Variants in KLRF1 observed in about 807,000 individuals in gnomAD.
The protein encoded by KLRF1 is killer cell lectin like receptor F1.
KLRF1 carries 27 observed loss-of-function variants against 30.7 expected under a neutral mutation model. The observed-to-expected ratio is 0.88, with a 90% confidence interval of 0.65 to 1.21. KLRF1 has a LOEUF of 1.21. KLRF1 is among the 50% of genes most tolerant of loss of function. KLRF1 has a pLI of 0.00. For missense variants in KLRF1, 246 were observed against 259.3 expected (o/e 0.95, Z 0.35); for synonymous variants, 92 against 89.3 (o/e 1.03, Z -0.17).
rs768839517 is a variant in KLRF1 at position 9,827,646 on chromosome 12, C to T, written c.85+17C>T. The T allele has an allele frequency of 1.0e-5, 15 of 1,449,456 alleles. No individual in the cohort carries two copies. In the African/African-American group the frequency reaches 1.1e-4, roughly 11 times the overall value. The allele number at this position is 1,449,456 out of a possible 1,614,324, so 89.8% of individuals were successfully genotyped here. ...CATTTAAAGGTATGGAATTTAATTT[C>T]ATTTTTTCAATTGGTGTGAATTAAC... is the stretch of plus-strand genomic sequence containing the variant. On this transcript the variant is annotated intron_variant, in intron 1 of 5. Transcript: ENST00000617889.
chr12:9,835,826 G>A (rs1352306898), intron 3 of KLRF1, among the ~76,000 whole-genome samples: 1 of 152,050 alleles, frequency 6.6e-6, no homozygotes, highest in Non-Finnish European at 1.5e-5. Flanking sequence ...CAAATATGGG[G>A]GGAGTAGAGT....
At chr12:9,825,817 C>T (rs73240933), upstream of KLRF1, among the ~76,000 whole-genome samples, 3,844 of 152,060 alleles carry the variant, frequency 0.025, 148 homozygotes, top group African/African-American at 0.087. Flanking sequence ...TTAAACCAAT[C>T]AACAAGCAAA....
At chr12:9,842,531 ACAGAATTC>A in intron 5 of KLRF1, 98 bp downstream of exon 5, 1 of 999,696 alleles carries the variant, frequency 1.0e-6, no homozygotes, top group Non-Finnish European at 1.4e-6. Context: ...TACTGGTACT[ACAGAATTC>A]AAAAGAATGA....
At chr12:9,812,900 T>G in the KLRF1 span, among the ~76,000 whole-genome samples, 2 of 152,218 alleles carry the variant, frequency 1.3e-5, no homozygotes, top group African/African-American at 4.8e-5. Context: ...ATCAGTTACT[T>G]ATTCATTTAA....
rs199764125 is a variant in KLRF1 at position 9,829,399 on chromosome 12, TC to T, written c.85+1771del. 4.9e-3 allele frequency among the ~76,000 whole-genome samples: 742 copies of T among 152,340 alleles called. 10 individuals are homozygous for T. Among genetic ancestry groups the T allele is most frequent in the Admixed American group, 0.032 (493 of 15,298 alleles). ...TTCTTCATTTTTTATGGATTTTTTT[TC>T]ATTTTTGTTTAACTTACTTTATAGT... is the stretch of plus-strand genomic sequence containing the variant. On this transcript the variant is annotated intron_variant, in intron 1 of 5. Transcript: ENST00000617889.
intron 3 of KLRF1, among the ~76,000 whole-genome samples, chr12:9,841,545 T>C (rs1867702984): frequency 6.6e-6 from 1 of 152,148 alleles, no homozygotes. Flanking sequence ...TTTTATTTTG[T>C]TCATGCTATT....
Position 9,842,377 on chromosome 12 carries a change from T to C in KLRF1, c.531T>C (p.Phe177=). 6.2e-7 allele frequency: 1 copy of C among 1,612,586 alleles called. No individual in the cohort carries two copies. Among genetic ancestry groups the C allele is most frequent in the Non-Finnish European group, 8.5e-7 (1 of 1,178,984 alleles). The part of the protein sequence containing the change: ...QLNYVWIGLN[F]TSLKMTWTWV... ...ACTACGTATGGATTGGGCTTAACTTTACCTCCTTGAAAATGACATGGACTT... is the reference window on the plus strand; with the variant it reads ...ACTACGTATGGATTGGGCTTAACTTCACCTCCTTGAAAATGACATGGACTT... Residue 177 remains phenylalanine (F), a synonymous_variant, in exon 5 of 6, where the codon TTT becomes TTC. Transcript: ENST00000617889.
chr12:9,805,231 A>G, the KLRF1 span, among the ~76,000 whole-genome samples: 1 of 151,964 alleles, frequency 6.6e-6, no homozygotes, highest in African/African-American at 2.4e-5. Context: ...ACAATTCTGG[A>G]GGCTCAGAAG....
chr12:9,809,309 G>A, the KLRF1 span, among the ~76,000 whole-genome samples: 6,825 of 152,152 alleles, frequency 0.045, 314 homozygotes, highest in African/African-American at 0.12. Context: ...GAAAGGGTGG[G>A]ACTTTTTTCC....
At position 9,833,314 on chromosome 12, in the gene KLRF1, G is replaced by C; in HGVS notation, c.196G>C (p.Val66Leu). 6.3e-7 allele frequency: 1 copy of C among 1,598,764 alleles called. No individual in the cohort carries two copies. The highest frequency in any genetic ancestry group is 1.4e-5 in the African/African-American group (1 of 73,980). ...GTCCTGTATTCAAGTTTCTCAGGGAGTATTGCTAAAATGCCAAAAAGGAAG... is the reference window on the plus strand; with the variant it reads ...GTCCTGTATTCAAGTTTCTCAGGGACTATTGCTAAAATGCCAAAAAGGAAG... ...ISLILLVSQG[V>L]LLKCQKGSCS... Residue 66 changes from valine (V) to leucine (L), a missense_variant, in exon 3 of 6, where the codon GTA (valine) becomes CTA (leucine). By Grantham distance (32) the Val-to-Leu change is conservative (BLOSUM62 1). Transcript: ENST00000617889.
intron 3 of KLRF1, 115 bp downstream of exon 3, chr12:9,833,567 G>A (rs1176758473): frequency 3.4e-6 from 3 of 894,084 alleles, no homozygotes; most frequent in South Asian, 3.6e-5. Context: ...TTTGGTATAA[G>A]TCTACTTTTC....
chr12:9,822,422 A>G, the KLRF1 span, among the ~76,000 whole-genome samples: 2 of 152,228 alleles, frequency 1.3e-5, no homozygotes, highest in Admixed American at 6.5e-5. Flanking sequence ...CTTGAAGACT[A>G]GCCCTCTAAA....
Position 9,842,411 on chromosome 12 carries a change from G to T in KLRF1, c.565G>T (p.Gly189Cys). 1 of 1,612,042 alleles carries T rather than the reference G, an allele frequency of 6.2e-7. No individual in the cohort carries two copies. The highest frequency in any genetic ancestry group is 8.5e-7 in the Non-Finnish European group (1 of 1,178,762). ...SLKMTWTWVD[G>C]SPIDSKIFFI... ...GAAAATGACATGGACTTGGGTGGAT[G>T]GTTCTCCAATAGATTCAAAGATGTG... The change falls in exon 5 of 6, where the codon GGT becomes TGT. Residue 189 changes from glycine to cysteine, a missense_variant. Physicochemically the swap from Gly to Cys is radical, Grantham distance 159 (BLOSUM62 -3). Coordinates refer to ENST00000617889, the MANE Select transcript of KLRF1 (RefSeq NM_016523.3).
intron 3 of KLRF1, among the ~76,000 whole-genome samples, chr12:9,833,653 C>G (rs889534398): frequency 2.6e-5 from 4 of 152,152 alleles, no homozygotes; most frequent in Non-Finnish European, 4.4e-5. Context: ...GAAATAGGCT[C>G]TGCCCTCCAG....
chr12:9,822,012 C>A, the KLRF1 span, among the ~76,000 whole-genome samples: 1 of 152,340 alleles, frequency 6.6e-6, no homozygotes, highest in East Asian at 1.9e-4. Context: ...AAGAAGTCTA[C>A]TGACTATATG....
chr12:9,811,357 T>C, the KLRF1 span, among the ~76,000 whole-genome samples: 1 of 149,746 alleles, frequency 6.7e-6, no homozygotes, highest in Non-Finnish European at 1.5e-5. Context: ...ATTTGGAGTG[T>C]CAGCATACAG....
At chr12:9,814,016 A>G in the KLRF1 span, among the ~76,000 whole-genome samples, 152 of 152,232 alleles carry the variant, frequency 1.0e-3, no homozygotes, top group Middle Eastern at 3.4e-3. Flanking sequence ...CCGCATCTCC[A>G]CATCCCTGGA....
At chr12:9,832,595 GGTAA>G (rs1305637132) in intron 2 of KLRF1, among the ~76,000 whole-genome samples, 181 bp downstream of exon 2, 1 of 151,858 alleles carries the variant, frequency 6.6e-6, no homozygotes, top group Non-Finnish European at 1.5e-5. Context: ...AGTCAAATCA[GGTAA>G]GTATCTTGCC....
At chr12:9,808,808 T>A in the KLRF1 span, among the ~76,000 whole-genome samples, 34 of 152,262 alleles carry the variant, frequency 2.2e-4, no homozygotes, top group East Asian at 4.2e-3. Flanking sequence ...AAAAGACTTA[T>A]CACATTAATG....
Sources: allele counts gnomAD v4.1 joint callset (sites outside exome capture counted in the v4.1 genomes callset), GRCh38; gene constraint gnomAD v4.1.1; transcripts MANE v1.5; gene names NCBI Gene and HGNC (gene_info 2026-07-23, HGNC 2026-07-21).